RAB30: variants seen among roughly 807,000 people sequenced by gnomAD.
RAB30 encodes RAB30, member RAS oncogene family.
In RAB30, 9 loss-of-function variants were observed where a neutral mutation model predicts 25.1. The ratio of observed to expected loss-of-function variants is 0.36; its 90% CI spans 0.22 to 0.63. The LOEUF (loss-of-function observed/expected upper bound fraction) is 0.63, where lower values mean the gene tolerates loss of function less well. RAB30 is among the 20% of genes least tolerant of loss of function. The pLI is 0.69. For synonymous variants in RAB30, 77 were observed against 86.4 expected (o/e 0.89, Z 0.60); for missense variants, 140 against 243.5 (o/e 0.58, Z 2.83).
intron 1 of RAB30, among the ~76,000 whole-genome samples, chr11:83,033,511 C>G (rs1857922285): frequency 6.6e-6 from 1 of 152,174 alleles, no homozygotes; most frequent in African/African-American, 2.4e-5. Flanking sequence ...GTTGAGAACA[C>G]TCGATATGCC....
At chr11:82,989,187 T>C (rs1429217340) in intron 3 of RAB30, among the ~76,000 whole-genome samples, 1 of 152,184 alleles carries the variant, frequency 6.6e-6, no homozygotes, top group African/African-American at 2.4e-5. Flanking sequence ...TAACTGGTTA[T>C]TCACAAAGCT....
At chr11:83,059,475 C>T (rs1858521820) in intron 1 of RAB30, among the ~76,000 whole-genome samples, 1 of 152,150 alleles carries the variant, frequency 6.6e-6, no homozygotes, top group Admixed American at 6.5e-5. Context: ...AAGGTGGTTT[C>T]CAATTATTTG....
chr11:82,985,513 A>C (rs1015839740), intron 4 of RAB30, among the ~76,000 whole-genome samples: 1 of 152,104 alleles, frequency 6.6e-6, no homozygotes. Flanking sequence ...CTTATCTATA[A>C]ATCTGCAAGA....
chr11:82,998,121 T>C (rs1012675550), intron 1 of RAB30, among the ~76,000 whole-genome samples: 2 of 152,362 alleles, frequency 1.3e-5, no homozygotes, highest in South Asian at 2.1e-4. Flanking sequence ...ACTTGCTGTA[T>C]ACAATTGTTT....
Position 82,981,548 on chromosome 11 carries a change from G to A in RAB30, c.*617C>T, listed in dbSNP as rs1856637954. Reference sequence around the variant, plus strand: ...AGCGGAATCATTAGCACCAAAAGGAGTTATGGAGCTTGTATATATTATTAA... The same window carrying A: ...AGCGGAATCATTAGCACCAAAAGGAATTATGGAGCTTGTATATATTATTAA... On this transcript the variant is annotated 3_prime_UTR_variant, in exon 5 of 5. Coordinates refer to ENST00000527633, the MANE Select transcript of RAB30 (RefSeq NM_001286060.2). 1 of 152,746 alleles carries A rather than the reference G, an allele frequency of 6.5e-6. No homozygotes were observed. The highest frequency in any genetic ancestry group is 2.4e-5 in the African/African-American group (1 of 41,434). 9.5% of individuals were successfully genotyped at this position (152,746 alleles called of 1,614,324 possible).
intron 4 of RAB30, among the ~76,000 whole-genome samples, chr11:82,984,035 T>C (rs1276163383): frequency 6.6e-6 from 1 of 152,216 alleles, no homozygotes; most frequent in Admixed American, 6.5e-5. Context: ...GAATTATAAA[T>C]AGAAGTATCA....
intron 1 of RAB30, among the ~76,000 whole-genome samples, chr11:83,031,965 G>A (rs879375036): frequency 7.9e-5 from 12 of 152,186 alleles, no homozygotes; most frequent in Non-Finnish European, 1.3e-4. Flanking sequence ...AGTTGGTGAC[G>A]TTCACTTCAT....
At chr11:83,011,776 G>A (rs1421997703) in intron 1 of RAB30, among the ~76,000 whole-genome samples, 1 of 152,126 alleles carries the variant, frequency 6.6e-6, no homozygotes, top group Non-Finnish European at 1.5e-5. Flanking sequence ...GACTCTGGTA[G>A]CTGGGCAGCA....
At chr11:83,063,578 T>A (rs117292653) in intron 1 of RAB30, among the ~76,000 whole-genome samples, 2,108 of 152,286 alleles carry the variant, frequency 0.014, 30 homozygotes, top group Non-Finnish European at 0.02. Flanking sequence ...ATTACCACCA[T>A]CACAAAAACC....
chr11:82,998,777 T>A (rs1471852672), intron 1 of RAB30, among the ~76,000 whole-genome samples: 3 of 149,964 alleles, frequency 2.0e-5, no homozygotes, highest in Admixed American at 2.0e-4. Context: ...TTTCTTAAGG[T>A]GTAGGCAGAA....
Position 83,037,975 on chromosome 11 carries a change from C to T in RAB30, c.-9+33716G>A, listed in dbSNP as rs577905302. On this transcript the variant is annotated intron_variant, in intron 1 of 4. Transcript: ENST00000527633. ...CAGTCTGACATAAGGAAGGCTGTCT[C>T]GTGGTCAGAGTGAAATAAGCTGCCT... Among the ~76,000 whole-genome samples, 14 of 152,140 alleles carry T rather than the reference C, an allele frequency of 9.2e-5. No individual in the cohort carries two copies. In the South Asian group the frequency reaches 2.9e-3, roughly 32 times the overall value.
chr11:83,015,926 C>A (rs1261743800), intron 1 of RAB30, among the ~76,000 whole-genome samples: 1 of 152,126 alleles, frequency 6.6e-6, no homozygotes, highest in East Asian at 1.9e-4. Context: ...TCCCTTGAGA[C>A]CAGCAGTTTG....
chr11:83,026,424 C>A (rs1265937680), intron 1 of RAB30, among the ~76,000 whole-genome samples: 1 of 152,160 alleles, frequency 6.6e-6, no homozygotes, highest in Non-Finnish European at 1.5e-5. Context: ...TGAATTCTGG[C>A]TCCGGTAGTT....
Position 82,983,088 on chromosome 11 carries a change from A to G in RAB30, c.362-673T>C, listed in dbSNP as rs538047112. On this transcript the variant is annotated intron_variant, in intron 4 of 4. Coordinates refer to ENST00000527633, the MANE Select transcript of RAB30 (RefSeq NM_001286060.2). ...AAAAAGCGAAGCAGAAAAAAAAAGC[A>G]TATACAATACGCAACTGTCTATCCA... Among the ~76,000 whole-genome samples, 7 of 152,272 alleles carry G rather than the reference A, an allele frequency of 4.6e-5. No homozygotes were observed. The South Asian group carries it at 1.0e-3, about 23-fold the overall frequency.
intron 4 of RAB30, chr11:82,987,176 A>G: frequency 6.5e-6 from 1 of 153,328 alleles, no homozygotes; most frequent in South Asian, 2.1e-4. Context: ...CCTAAATGTT[A>G]GGAAGGGAAA....
At chr11:83,058,775 C>T (rs1244165013) in intron 1 of RAB30, among the ~76,000 whole-genome samples, 1 of 152,170 alleles carries the variant, frequency 6.6e-6, no homozygotes, top group East Asian at 1.9e-4. Flanking sequence ...CTAGACATCC[C>T]CTATTATAGA....
At chr11:83,014,609 G>A (rs1857374565) in intron 1 of RAB30, among the ~76,000 whole-genome samples, 1 of 144,454 alleles carries the variant, frequency 6.9e-6, no homozygotes, top group Non-Finnish European at 1.5e-5. Flanking sequence ...GAGGCAGAGA[G>A]AGACAAAGAA....
chr11:83,033,285 C>G (rs991121025), intron 1 of RAB30, among the ~76,000 whole-genome samples: 1 of 151,992 alleles, frequency 6.6e-6, no homozygotes. Flanking sequence ...AGGCTGGTCT[C>G]GAACTCCTGA....
At chr11:83,063,120 A>G (rs1360159039) in intron 1 of RAB30, among the ~76,000 whole-genome samples, 2 of 152,074 alleles carry the variant, frequency 1.3e-5, no homozygotes, top group Admixed American at 6.6e-5. Context: ...GATCCTCACA[A>G]TCTCTTCCCC....
Sources: allele counts gnomAD v4.1 joint callset (sites outside exome capture counted in the v4.1 genomes callset), GRCh38; gene constraint gnomAD v4.1.1; transcripts MANE v1.5; gene names NCBI Gene and HGNC (gene_info 2026-07-23, HGNC 2026-07-21).